Variants in STK32A observed in about 807,000 individuals in gnomAD.
The protein encoded by STK32A is serine/threonine-protein kinase 32A.
In STK32A, 41 loss-of-function variants were observed where a neutral mutation model predicts 53.2. The observed-to-expected ratio is 0.77, with a 90% confidence interval of 0.60 to 1.00. The LOEUF (loss-of-function observed/expected upper bound fraction) is 1.00, where lower values mean the gene tolerates loss of function less well. Among genes scored for constraint, STK32A ranks in the 50% least tolerant of loss-of-function variants. STK32A has a pLI of 0.00. For synonymous variants in STK32A, 166 were observed against 162.8 expected, an observed-to-expected ratio of 1.02 and a Z score of -0.15; for missense variants, 458 against 485.8, an observed-to-expected ratio of 0.94 and a Z score of 0.54.
At chr5:147,261,888 C>T (rs1031943683) in intron 2 of STK32A, among the ~76,000 whole-genome samples, 7 of 137,352 alleles carry the variant, frequency 5.1e-5, no homozygotes. Flanking sequence ...CTATCCCCCC[C>T]AAGCTAAGAC....
chr5:147,281,612 T>C (rs1319098238), intron 4 of STK32A, among the ~76,000 whole-genome samples: 1 of 151,486 alleles, frequency 6.6e-6, no homozygotes, highest in Non-Finnish European at 1.5e-5. Flanking sequence ...GATATTATGT[T>C]AAATGACCAA....
At chr5:147,376,318 G>A (rs1006828979) in intron 11 of STK32A, among the ~76,000 whole-genome samples, 15 of 152,160 alleles carry the variant, frequency 9.9e-5, no homozygotes, top group South Asian at 2.1e-4. Flanking sequence ...CTGCTAACCC[G>A]TCTTGCATAT....
chr5:147,363,771 G>C (rs766033180), intron 8 of STK32A, among the ~76,000 whole-genome samples: 27 of 152,146 alleles, frequency 1.8e-4, no homozygotes, highest in African/African-American at 5.8e-4. Flanking sequence ...TTCAGAACAG[G>C]CTTGCTCATT....
At chr5:147,361,748 C>A (rs1174444661) in intron 8 of STK32A, 134 bp downstream of exon 8, 3 of 686,924 alleles carry the variant, frequency 4.4e-6, no homozygotes, top group Admixed American at 2.5e-5. Context: ...ATGTTGATAA[C>A]ACCCCTTGAG....
At chr5:147,293,586 A>G (rs73797613) in intron 4 of STK32A, among the ~76,000 whole-genome samples, 50,366 of 151,176 alleles carry the variant, frequency 0.33, 8,780 homozygotes, top group South Asian at 0.6. Context: ...AAATATTTTT[A>G]CAGGTCACTG....
chr5:147,244,886 T>C (rs758687807), intron 2 of STK32A, among the ~76,000 whole-genome samples: 4 of 152,220 alleles, frequency 2.6e-5, no homozygotes, highest in Non-Finnish European at 4.4e-5. Context: ...ACTCAATTAA[T>C]GCTAATTAAG....
intron 4 of STK32A, among the ~76,000 whole-genome samples, chr5:147,314,899 C>T (rs542799180): frequency 2.8e-4 from 42 of 152,072 alleles, no homozygotes; most frequent in African/African-American, 6.7e-4. Flanking sequence ...CATGTGCCAC[C>T]GCACCAGACA....
chr5:147,284,874 T>C (rs1752255273), intron 4 of STK32A, among the ~76,000 whole-genome samples: 1 of 152,128 alleles, frequency 6.6e-6, no homozygotes, highest in African/African-American at 2.4e-5. Context: ...ATAACCATAC[T>C]GCCAAAAGCA....
At chr5:147,317,432 A>G (rs1388664541) in intron 4 of STK32A, among the ~76,000 whole-genome samples, 1 of 132,848 alleles carries the variant, frequency 7.5e-6, no homozygotes, top group African/African-American at 2.8e-5. Flanking sequence ...GGTTCAAGTG[A>G]TTCTCCTACC....
intron 2 of STK32A, among the ~76,000 whole-genome samples, chr5:147,275,982 C>T (rs143313761): frequency 6.6e-6 from 1 of 152,252 alleles, no homozygotes; most frequent in East Asian, 1.9e-4. Context: ...CTTGGAGATT[C>T]AAAATGTCAT....
intron 5 of STK32A, among the ~76,000 whole-genome samples, chr5:147,337,726 G>A (rs1404002264): frequency 6.6e-6 from 1 of 152,118 alleles, no homozygotes; most frequent in African/African-American, 2.4e-5. Context: ...TGGGGGTTGA[G>A]AGAATGAAGC....
At chr5:147,361,730 G>T in intron 8 of STK32A, 116 bp downstream of exon 8, 2 of 775,852 alleles carry the variant, frequency 2.6e-6, no homozygotes. Context: ...AATCAGCTAT[G>T]CCATGTGATG....
intron 2 of STK32A, among the ~76,000 whole-genome samples, chr5:147,258,707 C>A (rs533236130): frequency 1.5e-3 from 223 of 150,332 alleles, no homozygotes; most frequent in African/African-American, 5.0e-3. Flanking sequence ...TTAAGATAAT[C>A]ATTCTTCTCC....
At chr5:147,251,195 G>A (rs896408000) in intron 2 of STK32A, among the ~76,000 whole-genome samples, 4 of 152,256 alleles carry the variant, frequency 2.6e-5, no homozygotes, top group Admixed American at 6.5e-5. Flanking sequence ...TATCCAGAAG[G>A]ACATCACCTT....
At chr5:147,353,230 A>T (rs1224714100) in intron 7 of STK32A, among the ~76,000 whole-genome samples, 1 of 152,208 alleles carries the variant, frequency 6.6e-6, no homozygotes, top group Admixed American at 6.5e-5. Flanking sequence ...CTCCACCTCC[A>T]TACCGGGGTG....
intron 4 of STK32A, among the ~76,000 whole-genome samples, chr5:147,285,874 A>T (rs1379876141): frequency 1.3e-5 from 2 of 152,204 alleles, no homozygotes; most frequent in Non-Finnish European, 2.9e-5. Flanking sequence ...CACTATTGAA[A>T]ACAGTGTGGA....
chr5:147,324,449 A>C (rs1754479917), intron 5 of STK32A, among the ~76,000 whole-genome samples: 1 of 152,192 alleles, frequency 6.6e-6, no homozygotes, highest in African/African-American at 2.4e-5. Flanking sequence ...TTGGGAAAAA[A>C]GCTTGAGTCT....
chr5:147,266,988 A>C (rs1219540974), intron 2 of STK32A, among the ~76,000 whole-genome samples: 1 of 151,098 alleles, frequency 6.6e-6, no homozygotes, highest in Non-Finnish European at 1.5e-5. Context: ...GTGCCATTGC[A>C]CTTGTACTCC....
At chr5:147,331,586 A>C (rs910957565) in intron 5 of STK32A, among the ~76,000 whole-genome samples, 3 of 152,234 alleles carry the variant, frequency 2.0e-5, no homozygotes, top group Admixed American at 6.5e-5. Context: ...GTGCTCCCTC[A>C]GAAAGATTTG....
Sources: gnomAD v4.1 joint callset for allele counts (sites outside exome capture counted in the v4.1 genomes callset) on GRCh38, gnomAD v4.1.1 for gene constraint, MANE v1.5 for transcripts, NCBI Gene and HGNC (gene_info 2026-07-23, HGNC 2026-07-21) for gene names.